ZFP82: variants seen among roughly 807,000 people sequenced by gnomAD.
ZFP82 encodes the protein zinc finger protein 82 homolog.
Under a neutral mutation model 54.0 loss-of-function variants are expected in ZFP82, and 30 were observed. That is an observed-to-expected ratio of 0.56 (90% confidence interval 0.42 to 0.75). The LOEUF is 0.75. Among genes scored for constraint, ZFP82 ranks in the 30% least tolerant of loss-of-function variants. The pLI, the probability that ZFP82 is intolerant of heterozygous loss-of-function variation, is 0.00. For missense variants in ZFP82, 500 were observed against 636.8 expected, an observed-to-expected ratio of 0.79 and a Z score of 2.31; for synonymous variants, 194 against 209.5, an observed-to-expected ratio of 0.93 and a Z score of 0.64.
intron 3 of ZFP82, among the ~76,000 whole-genome samples, chr19:36,407,074 C>CTT (rs35808591): frequency 3.2e-4 from 32 of 99,746 alleles, no homozygotes; most frequent in Middle Eastern, 5.2e-3. Context: ...TTTTAATTTT[C>CTT]TTTTTTTTTT....
chr19:36,392,707 A>G lies in ZFP82; in HGVS notation c.*34T>C. On this transcript the variant is annotated 3_prime_UTR_variant, in exon 5 of 5. Coordinates refer to ENST00000392161, the MANE Select transcript of ZFP82 (RefSeq NM_133466.4). Reference sequence around the variant, plus strand: ...AATAGATTAATTACTACATTCATAGAATGTTCTATAACACAGAAGTTGAAA... The same window carrying G: ...AATAGATTAATTACTACATTCATAGGATGTTCTATAACACAGAAGTTGAAA... 1 of 1,507,522 alleles carries G rather than the reference A, an allele frequency of 6.6e-7. No homozygotes were observed. 93.4% of individuals were successfully genotyped at this position (1,507,522 alleles called of 1,614,324 possible).
At position 36,390,136 on chromosome 19, in the gene ZFP82, C is replaced by G. The variant is rs2032170018; in HGVS notation, c.*2605G>C. On this transcript the variant is annotated 3_prime_UTR_variant, in exon 5 of 5. Transcript: ENST00000392161. ...CTTTACGTGACCCTGCATGCCATGC[C>G]ATGCCTCCCGTTTGTGGGATCTGCG... Among the ~76,000 whole-genome samples, 1 of 152,118 alleles carries G rather than the reference C, an allele frequency of 6.6e-6. No homozygotes were observed. The highest frequency in any genetic ancestry group is 1.5e-5 in the Non-Finnish European group (1 of 68,036).
downstream of ZFP82, chr19:36,384,173 G>T (rs1568479537): frequency 2.0e-5 from 3 of 151,970 alleles, no homozygotes; most frequent in Non-Finnish European, 2.9e-5. Flanking sequence ...AATAAACACA[G>T]ACCTATTCAA....
At position 36,393,047 on chromosome 19, in the gene ZFP82, G is replaced by C. The variant is rs923396013; in HGVS notation, c.1293C>G (p.Phe431Leu). ...PYDCKECGKA[F>L]RLLSQLTQHQ... Reference sequence around the variant, plus strand: ...GCTGTGTGAGTTGTGAAAGTAGTCTGAAGGCCTTCCCGCATTCCTTACAGT... The same window carrying C: ...GCTGTGTGAGTTGTGAAAGTAGTCTCAAGGCCTTCCCGCATTCCTTACAGT... The change falls in exon 5 of 5, where the codon TTC becomes TTG. Residue 431 changes from phenylalanine to leucine, a missense_variant. Physicochemically the swap from Phe to Leu is conservative, Grantham distance 22. Transcript: ENST00000392161. The C allele has an allele frequency of 5.6e-6, 9 of 1,613,990 alleles. No individual in the cohort carries two copies. The highest frequency in any genetic ancestry group is 6.8e-6 in the Non-Finnish European group (8 of 1,179,988).
In ZFP82 at chr19:36,399,480, C is replaced by T. The variant is rs376810940; in HGVS notation, c.230-5370G>A. Among the ~76,000 whole-genome samples the T allele has an allele frequency of 6.6e-5, 10 of 152,284 alleles. 1 individual carries two copies. The East Asian group carries it at 1.9e-3, about 29-fold the overall frequency. Reference sequence around the variant, plus strand: ...TACTGTTTACCTCCAGAGGAGGCAACAGACAAGAGGTTAGGGTATCAGAGA... The same window carrying T: ...TACTGTTTACCTCCAGAGGAGGCAATAGACAAGAGGTTAGGGTATCAGAGA... On this transcript the variant is annotated intron_variant, in intron 4 of 4. Coordinates refer to ENST00000392161, the MANE Select transcript of ZFP82 (RefSeq NM_133466.4).
At chr19:36,398,008 A>T (rs1285039530) in intron 4 of ZFP82, among the ~76,000 whole-genome samples, 1 of 152,244 alleles carries the variant, frequency 6.6e-6, no homozygotes, top group African/African-American at 2.4e-5. Flanking sequence ...GATCAGACTT[A>T]CCATCCCTTT....
intron 1 of ZFP82, among the ~76,000 whole-genome samples, chr19:36,413,408 C>T (rs958810860): frequency 5.3e-5 from 8 of 151,092 alleles, no homozygotes; most frequent in Non-Finnish European, 1.2e-4. Flanking sequence ...GAGATTCTGT[C>T]TCAAAAAAAA....
chr19:36,391,114 C>T lies in ZFP82; in HGVS notation c.*1627G>A, dbSNP rs1288340839. ...TGGAATTCTCTAATCAACAACTTTC[C>T]TTCACCAACTTTTGGTTGTCTTGAA... On this transcript the variant is annotated 3_prime_UTR_variant, in exon 5 of 5. Coordinates refer to ENST00000392161, the MANE Select transcript of ZFP82 (RefSeq NM_133466.4). 2 of 152,114 alleles carry T rather than the reference C, an allele frequency of 1.3e-5. No individual in the cohort carries two copies. The highest frequency in any genetic ancestry group is 4.8e-5 in the African/African-American group (2 of 41,424). The allele number at this position is 152,114 out of a possible 1,614,324, so 9.4% of individuals were successfully genotyped here.
At chr19:36,398,214 C>A (rs1003755281) in intron 4 of ZFP82, among the ~76,000 whole-genome samples, 1 of 152,098 alleles carries the variant, frequency 6.6e-6, no homozygotes, top group African/African-American at 2.4e-5. Context: ...AATAAAACAG[C>A]ACATTGAAAG....
At chr19:36,403,340 A>G (rs1317381276) in intron 4 of ZFP82, among the ~76,000 whole-genome samples, 3 of 109,818 alleles carry the variant, frequency 2.7e-5, no homozygotes, top group Admixed American at 1.8e-4. Flanking sequence ...AAAAAAAAAA[A>G]AGGCCAGGCG....
intron 4 of ZFP82, among the ~76,000 whole-genome samples, chr19:36,402,478 A>G (rs2032404700): frequency 1.3e-5 from 2 of 150,882 alleles, no homozygotes; most frequent in Non-Finnish European, 3.0e-5. Context: ...CAAAAAAAAA[A>G]AAAAAAAAAG....
At chr19:36,385,493 T>C (rs1005272468), downstream of ZFP82, among the ~76,000 whole-genome samples, 2 of 152,200 alleles carry the variant, frequency 1.3e-5, no homozygotes, top group African/African-American at 4.8e-5. Context: ...AACTAGGTAA[T>C]GGGTAAGAGC....
chr19:36,402,145 G>A (rs138921307), intron 4 of ZFP82, among the ~76,000 whole-genome samples: 148 of 152,286 alleles, frequency 9.7e-4, no homozygotes, highest in African/African-American at 3.3e-3. Flanking sequence ...AATTGCAAAT[G>A]TCATTTAATT....
intron 2 of ZFP82, 60 bp downstream of exon 2, chr19:36,409,721 T>TA (rs1342245097): frequency 1.6e-5 from 25 of 1,587,298 alleles, no homozygotes; most frequent in Non-Finnish European, 2.1e-5. Context: ...AGTTTCAGAA[T>TA]AAAAAAATGG....
intron 4 of ZFP82, among the ~76,000 whole-genome samples, chr19:36,403,497 G>A (rs771400347): frequency 2.6e-5 from 4 of 151,242 alleles, no homozygotes; most frequent in Admixed American, 6.6e-5. Flanking sequence ...GCACACGCCC[G>A]TAATCCCAGC....
Position 36,400,955 on chromosome 19 carries a change from T to TC in ZFP82, c.229+4624dup, listed in dbSNP as rs2032373444. Among the ~76,000 whole-genome samples the TC allele has an allele frequency of 2.6e-5, 4 of 152,362 alleles. No homozygotes were observed. The South Asian group carries it at 8.3e-4, about 32-fold the overall frequency. ...TCTTTCTTGACAAGCTTACCAGGAT[T>TC]CTCCATCTTGCTGGAACCTGGGGTC... is the stretch of plus-strand genomic sequence containing the variant. On this transcript the variant is annotated intron_variant, in intron 4 of 4. Coordinates refer to ENST00000392161, the MANE Select transcript of ZFP82 (RefSeq NM_133466.4).
At chr19:36,412,497 CTA>C (rs1464556391) in intron 1 of ZFP82, among the ~76,000 whole-genome samples, 1 of 152,190 alleles carries the variant, frequency 6.6e-6, no homozygotes, top group African/African-American at 2.4e-5. Flanking sequence ...TGAACTGACT[CTA>C]TGATTTCTAA....
At chr19:36,407,600 CAAACACAAAGTG>C (rs1568489287) in intron 3 of ZFP82, among the ~76,000 whole-genome samples, 1 of 151,890 alleles carries the variant, frequency 6.6e-6, no homozygotes, top group East Asian at 1.9e-4. Context: ...GTTCTGAATT[CAAACACAAAGTG>C]AAACTTGTTT....
rs577559455 is a variant in ZFP82, at chr19:36,397,480, G to C, written c.230-3370C>G. Reference sequence around the variant, plus strand: ...AAAGCACAGACATAGAAATAAGAAAGAACAAATGAAAATGATCATGAATAC... The same window carrying C: ...AAAGCACAGACATAGAAATAAGAAACAACAAATGAAAATGATCATGAATAC... On this transcript the variant is annotated intron_variant, in intron 4 of 4. Coordinates refer to ENST00000392161, the MANE Select transcript of ZFP82 (RefSeq NM_133466.4). Among the ~76,000 whole-genome samples the C allele has an allele frequency of 1.3e-4, 20 of 152,172 alleles. 1 individual carries two copies. In the South Asian group the frequency reaches 2.9e-3, roughly 22 times the overall value.
Sources: allele counts gnomAD v4.1 joint callset (sites outside exome capture counted in the v4.1 genomes callset), GRCh38; gene constraint gnomAD v4.1.1; transcripts MANE v1.5; gene names NCBI Gene and HGNC (gene_info 2026-07-23, HGNC 2026-07-21).